SOCS2: variants seen among roughly 807,000 people sequenced by gnomAD.
SOCS2 encodes CIS-2.
SOCS2 carries 10 observed loss-of-function variants against 18.6 expected under a neutral mutation model. That is an observed-to-expected ratio of 0.54 (90% CI 0.33 to 0.91). SOCS2 has a LOEUF of 0.91. Among genes scored for constraint, SOCS2 ranks in the 40% least tolerant of loss-of-function variants. The pLI, the probability that SOCS2 is intolerant of heterozygous loss-of-function variation, is 0.02. For missense variants in SOCS2, 231 were observed against 247.2 expected (o/e 0.93, Z 0.44); for synonymous variants, 104 against 104.0 (o/e 1.00, Z 0.00).
the SOCS2 span, among the ~76,000 whole-genome samples, chr12:93,592,739 G>A: frequency 2.6e-5 from 4 of 152,056 alleles, no homozygotes; most frequent in African/African-American, 9.7e-5. Context: ...AATTGCCCTT[G>A]AAGTTAAATC....
chr12:93,605,420 G>A, the SOCS2 span, among the ~76,000 whole-genome samples: 2 of 152,136 alleles, frequency 1.3e-5, no homozygotes, highest in Admixed American at 6.6e-5. Context: ...AAATTGGGTG[G>A]ATGAGGCCAG....
the SOCS2 span, among the ~76,000 whole-genome samples, chr12:93,625,606 G>C: frequency 6.6e-6 from 1 of 151,940 alleles, no homozygotes; most frequent in Non-Finnish European, 1.5e-5. Context: ...AAATTAGCTG[G>C]GTGTGGTGGC....
At chr12:93,618,409 C>A in the SOCS2 span, among the ~76,000 whole-genome samples, 1 of 152,164 alleles carries the variant, frequency 6.6e-6, no homozygotes, top group African/African-American at 2.4e-5. Context: ...CCCACCCAAG[C>A]CCTTCGAAGA....
At chr12:93,613,610 C>T in the SOCS2 span, among the ~76,000 whole-genome samples, 1 of 152,162 alleles carries the variant, frequency 6.6e-6, no homozygotes, top group African/African-American at 2.4e-5. Flanking sequence ...CGGATGTGAA[C>T]AAGCTTTAAG....
the SOCS2 span, among the ~76,000 whole-genome samples, chr12:93,593,580 G>T: frequency 6.6e-6 from 1 of 152,176 alleles, no homozygotes; most frequent in Non-Finnish European, 1.5e-5. Flanking sequence ...CTATTAAATT[G>T]TTTATAAATG....
the SOCS2 span, among the ~76,000 whole-genome samples, chr12:93,614,601 TTCTTTCTTTC>T: frequency 4.1e-5 from 5 of 122,074 alleles, no homozygotes; most frequent in Admixed American, 1.8e-4. Flanking sequence ...CTTTCTTTCT[TTCTTTCTTTC>T]TTTCTTTCTT....
chr12:93,612,228 A>T, the SOCS2 span, among the ~76,000 whole-genome samples: 5 of 152,006 alleles, frequency 3.3e-5, no homozygotes, highest in Non-Finnish European at 5.9e-5. Context: ...CTTCCTCCCA[A>T]CCCACTGCCT....
chr12:93,596,914 T>G, the SOCS2 span, among the ~76,000 whole-genome samples: 1 of 152,168 alleles, frequency 6.6e-6, no homozygotes. Flanking sequence ...TTGTCTTTCT[T>G]CTTGGGGGCC....
chr12:93,615,847 C>T, the SOCS2 span, among the ~76,000 whole-genome samples: 3 of 152,204 alleles, frequency 2.0e-5, no homozygotes, highest in East Asian at 1.9e-4. Flanking sequence ...CCTCCCGCCT[C>T]GGCCTCCCAA....
the SOCS2 span, among the ~76,000 whole-genome samples, chr12:93,589,795 G>A: frequency 3.3e-5 from 5 of 152,304 alleles, no homozygotes; most frequent in Admixed American, 3.3e-4. Flanking sequence ...AACACATGTA[G>A]ACGTTTCCAA....
chr12:93,613,077 C>A, the SOCS2 span, among the ~76,000 whole-genome samples: 1 of 152,218 alleles, frequency 6.6e-6, no homozygotes, highest in African/African-American at 2.4e-5. Flanking sequence ...GCACTTCTTT[C>A]TATCAGAGCC....
the SOCS2 span, among the ~76,000 whole-genome samples, chr12:93,604,407 T>C: frequency 1.3e-5 from 2 of 152,196 alleles, no homozygotes; most frequent in African/African-American, 4.8e-5. Flanking sequence ...CCTAATCTAA[T>C]ATTTTTATGC....
downstream of SOCS2, among the ~76,000 whole-genome samples, chr12:93,577,152 G>C (rs1273065342): frequency 6.6e-6 from 1 of 152,148 alleles, no homozygotes; most frequent in Non-Finnish European, 1.5e-5. Context: ...GCAGTTGTGA[G>C]GCATGAGTAC....
chr12:93,592,816 T>C, the SOCS2 span, among the ~76,000 whole-genome samples: 1 of 151,758 alleles, frequency 6.6e-6, no homozygotes, highest in Admixed American at 6.6e-5. Flanking sequence ...CCAGCCTTGA[T>C]CAGAGACATT....
At chr12:93,601,822 A>G in the SOCS2 span, among the ~76,000 whole-genome samples, 1 of 152,336 alleles carries the variant, frequency 6.6e-6, no homozygotes, top group East Asian at 1.9e-4. Flanking sequence ...GCATTATACA[A>G]CTGTCTTTTT....
the SOCS2 span, among the ~76,000 whole-genome samples, chr12:93,621,093 C>G: frequency 6.6e-6 from 1 of 152,172 alleles, no homozygotes; most frequent in Non-Finnish European, 1.5e-5. Context: ...CGACCAAGAG[C>G]TGAGCATATA....
At chr12:93,611,928 T>A in the SOCS2 span, among the ~76,000 whole-genome samples, 1 of 152,130 alleles carries the variant, frequency 6.6e-6, no homozygotes, top group African/African-American at 2.4e-5. Context: ...TCTTTACAAC[T>A]CCTCCCTCTG....
rs759990428 is a variant in SOCS2, at chr12:93,575,083, T to C, written c.501T>C (p.Cys167=). The change falls in exon 2 of 2, where the codon TGT becomes TGC. Residue 167 remains cysteine, a synonymous_variant. Coordinates refer to ENST00000551556, the MANE Select transcript of SOCS2 (RefSeq NM_001270471.2). Reference sequence around the variant, plus strand: ...CAGCACCATCTCTGCAGCATCTCTGTAGGCTCACCATTAACAAATGTACCG... The same window carrying C: ...CAGCACCATCTCTGCAGCATCTCTGCAGGCTCACCATTAACAAATGTACCG... The part of the protein sequence containing the change: ...YTSAPSLQHL[C]RLTINKCTGA... The C allele has an allele frequency of 1.9e-6, 3 of 1,613,698 alleles. No individual in the cohort carries two copies. Among genetic ancestry groups the C allele is most frequent in the South Asian group, 2.2e-5 (2 of 90,914 alleles).
chr12:93,612,172 A>G, the SOCS2 span, among the ~76,000 whole-genome samples: 174 of 152,168 alleles, frequency 1.1e-3, no homozygotes, highest in Admixed American at 3.0e-3. Flanking sequence ...AGACCTGCCC[A>G]TTTTGCACTA....
Sources: gnomAD v4.1 joint callset for allele counts (sites outside exome capture counted in the v4.1 genomes callset) on GRCh38, gnomAD v4.1.1 for gene constraint, MANE v1.5 for transcripts, NCBI Gene and HGNC (gene_info 2026-07-23, HGNC 2026-07-21) for gene names.